The following PDE11A variants were observed in gnomAD, a reference collection of about 807,000 sequenced individuals.
PDE11A encodes the protein phosphodiesterase 11A.
A neutral mutation model predicts 100.5 loss-of-function variants in PDE11A; 100 were observed. The observed-to-expected ratio is 1.00, with a 90% CI of 0.85 to 1.18. The LOEUF (loss-of-function observed/expected upper bound fraction) is 1.18, where lower values mean the gene tolerates loss of function less well. Ranked by LOEUF, PDE11A falls within the 50% of genes most tolerant of loss-of-function variation. The probability of loss-of-function intolerance (pLI) is 0.00; values close to 1 mark genes in which losing one functional copy is unlikely to be tolerated. For missense variants in PDE11A, 1,141 were observed against 1,152.6 expected (o/e 0.99, Z 0.15); for synonymous variants, 381 against 420.8 (o/e 0.91, Z 1.16).
At chr2:177,872,459 C>T (rs537518018) in intron 5 of PDE11A, among the ~76,000 whole-genome samples, 41 of 152,246 alleles carry the variant, frequency 2.7e-4, no homozygotes, top group Admixed American at 1.2e-3. Flanking sequence ...CAACAGGAGA[C>T]TAGCTATGAC....
At chr2:177,689,861 C>T (rs917778968) in intron 15 of PDE11A, among the ~76,000 whole-genome samples, 3 of 152,218 alleles carry the variant, frequency 2.0e-5, no homozygotes, top group Non-Finnish European at 4.4e-5. Context: ...ATTCAAACCA[C>T]AATCACCAGG....
rs75262809 is a variant in PDE11A at position 177,748,637 on chromosome 2, T to A, written c.1789-20465A>T. 7.8e-3 allele frequency among the ~76,000 whole-genome samples: 97 copies of A among 12,510 alleles called. 1 individual carries two copies. Among genetic ancestry groups the A allele is most frequent in the East Asian group, 0.032 (2 of 62 alleles). The allele number at this position is 12,510 out of a possible 152,430, so 8.2% of individuals were successfully genotyped here. On this transcript the variant is annotated intron_variant, in intron 10 of 19. Coordinates refer to ENST00000286063, the MANE Select transcript of PDE11A (RefSeq NM_016953.4). ...ATACTATAGGCATGAGACAGCAGTT[T>A]TTTTTTTTTATTCTTTTAAAGGTCA...
chr2:178,090,983 G>A (rs959524320), intron 2 of PDE11A, among the ~76,000 whole-genome samples: 9 of 152,204 alleles, frequency 5.9e-5, no homozygotes, highest in Middle Eastern at 3.2e-3. Flanking sequence ...TAATGGAACC[G>A]TCTGGAAATC....
intron 14 of PDE11A, 55 bp from the exon 15 acceptor site, chr2:177,697,487 A>T: frequency 1.1e-6 from 1 of 872,752 alleles, no homozygotes; most frequent in Non-Finnish European, 2.0e-6. Flanking sequence ...GTTGTTGATT[A>T]CATGTTTTTC....
At chr2:178,031,289 T>C (rs1483954920) in intron 1 of PDE11A, among the ~76,000 whole-genome samples, 2 of 152,180 alleles carry the variant, frequency 1.3e-5, no homozygotes, top group Non-Finnish European at 2.9e-5. Flanking sequence ...CAAAGAGACC[T>C]GTTATAATCA....
At chr2:178,026,526 T>G (rs1340000626) in intron 1 of PDE11A, among the ~76,000 whole-genome samples, 2 of 151,922 alleles carry the variant, frequency 1.3e-5, no homozygotes, top group Non-Finnish European at 2.9e-5. Context: ...CTGGGCGTGA[T>G]GGTAGGAACC....
intron 15 of PDE11A, among the ~76,000 whole-genome samples, chr2:177,696,825 C>T (rs1270097969): frequency 1.3e-5 from 2 of 152,056 alleles, no homozygotes; most frequent in Non-Finnish European, 2.9e-5. Context: ...AGAGCAGGTC[C>T]CACTGGAAAT....
rs116201366 is a variant in PDE11A, at chr2:177,720,668, A to G, written c.2043+6990T>C. On this transcript the variant is annotated intron_variant, in intron 12 of 19. Transcript: ENST00000286063. ...CCAGAGTATGCAATGTAACAAGCCA[A>G]TTGCAGGTTGTCTAATTATTCATGG... 2.3e-3 allele frequency among the ~76,000 whole-genome samples: 346 copies of G among 152,268 alleles called. 1 individual carries two copies. Among genetic ancestry groups the G allele is most frequent in the African/African-American group, 7.9e-3 (330 of 41,562 alleles).
chr2:177,925,948 C>A (rs1376465580), intron 2 of PDE11A, among the ~76,000 whole-genome samples: 1 of 152,214 alleles, frequency 6.6e-6, no homozygotes, highest in Non-Finnish European at 1.5e-5. Context: ...GCCAACTTTT[C>A]TCTGCAAGTG....
chr2:177,639,883 A>T (rs944410771), intron 19 of PDE11A, among the ~76,000 whole-genome samples: 5 of 152,240 alleles, frequency 3.3e-5, no homozygotes, highest in East Asian at 1.9e-4. Context: ...GGCATAGAGG[A>T]ACCCCATCAA....
chr2:177,755,109 C>T (rs1312625789), intron 10 of PDE11A, among the ~76,000 whole-genome samples: 3 of 152,118 alleles, frequency 2.0e-5, no homozygotes, highest in Non-Finnish European at 2.9e-5. Context: ...TCTGAGATGA[C>T]CTGATGGGCT....
intron 15 of PDE11A, among the ~76,000 whole-genome samples, chr2:177,681,267 T>A (rs1234493189): frequency 2.0e-5 from 3 of 152,214 alleles, no homozygotes; most frequent in Non-Finnish European, 4.4e-5. Context: ...AATTCTAGAA[T>A]GTTCTTTTAT....
intron 9 of PDE11A, among the ~76,000 whole-genome samples, chr2:177,780,152 C>T (rs1173635633): frequency 3.3e-5 from 5 of 152,104 alleles, no homozygotes; most frequent in Non-Finnish European, 5.9e-5. Flanking sequence ...AATGGGAGGC[C>T]TAAAACATTT....
At chr2:177,873,556 T>G (rs1361221057) in intron 5 of PDE11A, among the ~76,000 whole-genome samples, 4 of 152,210 alleles carry the variant, frequency 2.6e-5, no homozygotes, top group African/African-American at 9.6e-5. Flanking sequence ...GTCAGTAAAA[T>G]TCACCCTTTT....
chr2:177,970,260 G>A (rs142360413), intron 2 of PDE11A, among the ~76,000 whole-genome samples: 21 of 152,214 alleles, frequency 1.4e-4, no homozygotes, highest in South Asian at 6.2e-4. Context: ...AAACTGACAC[G>A]TTTACATTAG....
chr2:177,770,502 C>T (rs947708703), intron 9 of PDE11A, among the ~76,000 whole-genome samples: 2 of 152,214 alleles, frequency 1.3e-5, no homozygotes, highest in Non-Finnish European at 2.9e-5. Flanking sequence ...CTTTATGACA[C>T]GGCCTTGGTC....
chr2:177,909,004 C>G (rs1002236138), intron 2 of PDE11A, among the ~76,000 whole-genome samples: 1 of 152,160 alleles, frequency 6.6e-6, no homozygotes, highest in South Asian at 2.1e-4. Flanking sequence ...CGACAAAGCA[C>G]CCCTCAATTT....
chr2:178,035,994 A>G (rs1190041211), intron 1 of PDE11A, among the ~76,000 whole-genome samples: 1 of 152,236 alleles, frequency 6.6e-6, no homozygotes, highest in African/African-American at 2.4e-5. Context: ...CACCACTCCT[A>G]TTCAACATAC....
chr2:177,962,083 GT>G (rs2085641509), intron 2 of PDE11A, among the ~76,000 whole-genome samples: 2 of 114,202 alleles, frequency 1.8e-5, no homozygotes, highest in South Asian at 3.0e-4. Context: ...AAAAAAAAAA[GT>G]TTGTCTATGC....
Sources: allele counts gnomAD v4.1 joint callset (sites outside exome capture counted in the v4.1 genomes callset), GRCh38; gene constraint gnomAD v4.1.1; transcripts MANE v1.5; gene names NCBI Gene and HGNC (gene_info 2026-07-23, HGNC 2026-07-21).